Variants in MCM10 observed in about 807,000 individuals in gnomAD.
The protein encoded by MCM10 is minichromosome maintenance 10 replication initiation factor.
A neutral mutation model predicts 109.9 loss-of-function variants in MCM10; 91 were observed. The ratio of observed to expected loss-of-function variants is 0.83; its 90% CI spans 0.70 to 0.99. The LOEUF is 0.99. Among genes scored for constraint, MCM10 ranks in the 50% least tolerant of loss-of-function variants. The pLI, the probability that MCM10 is intolerant of heterozygous loss-of-function variation, is 0.00. For synonymous variants in MCM10, 380 were observed against 387.2 expected (o/e 0.98, Z 0.22); for missense variants, 1,077 against 1,061.2 (o/e 1.01, Z -0.21).
Position 13,195,281 on chromosome 10 carries a change from C to T in MCM10, c.1974+12C>T. Reference sequence around the variant, plus strand: ...CAGAAGCCAAAAAGGTAACTGGCATCTCTTCTCTTTAGCACTTGAGTTTGC... The same window carrying T: ...CAGAAGCCAAAAAGGTAACTGGCATTTCTTCTCTTTAGCACTTGAGTTTGC... On this transcript the variant is annotated intron_variant, in intron 14 of 19. Coordinates refer to ENST00000378714, the MANE Select transcript of MCM10 (RefSeq NM_018518.5). 2 of 1,572,602 alleles carry T rather than the reference C, an allele frequency of 1.3e-6. No individual in the cohort carries two copies.
intron 5 of MCM10, among the ~76,000 whole-genome samples, chr10:13,173,924 A>G (rs1834107802): frequency 6.6e-6 from 1 of 152,144 alleles, no homozygotes; most frequent in African/African-American, 2.4e-5. Flanking sequence ...TATGAAAGAG[A>G]GAGTGATATT....
Position 13,171,633 on chromosome 10 carries a change from C to T in MCM10, c.349+370C>T, listed in dbSNP as rs533450496. On this transcript the variant is annotated intron_variant, in intron 3 of 19. Coordinates refer to ENST00000378714, the MANE Select transcript of MCM10 (RefSeq NM_018518.5). Reference sequence around the variant, plus strand: ...GCATTCCTGAACAGAAGCTTTGACACATGTTCTTTTCTCATTCCTGGCATC... The same window carrying T: ...GCATTCCTGAACAGAAGCTTTGACATATGTTCTTTTCTCATTCCTGGCATC... 1.4e-4 allele frequency among the ~76,000 whole-genome samples: 22 copies of T among 152,342 alleles called. 1 individual carries two copies. The South Asian group carries it at 4.4e-3, about 30-fold the overall frequency.
At chr10:13,198,441 G>A (rs925144011) in intron 15 of MCM10, among the ~76,000 whole-genome samples, 12 of 151,878 alleles carry the variant, frequency 7.9e-5, no homozygotes, top group African/African-American at 2.4e-4. Context: ...TGTTACTATC[G>A]TCAGCTGCCT....
chr10:13,180,060 C>T (rs1022887518), intron 6 of MCM10, among the ~76,000 whole-genome samples: 1 of 152,116 alleles, frequency 6.6e-6, no homozygotes, highest in Non-Finnish European at 1.5e-5. Context: ...TTGAGACCAG[C>T]CTGGCCAACA....
chr10:13,199,095 C>T (rs965237575), intron 16 of MCM10, among the ~76,000 whole-genome samples: 7 of 152,196 alleles, frequency 4.6e-5, no homozygotes, highest in African/African-American at 1.4e-4. Flanking sequence ...AGAGTTTCAC[C>T]GTGTTGGCCA....
chr10:13,201,562 C>A (rs923031871), intron 17 of MCM10, 28 bp downstream of exon 17: 2 of 1,524,682 alleles, frequency 1.3e-6, no homozygotes, highest in Non-Finnish European at 9.0e-7. Context: ...CTGCAGCAAC[C>A]CATGGGCCCT....
intron 9 of MCM10, among the ~76,000 whole-genome samples, chr10:13,187,600 T>C (rs1834291657): frequency 6.6e-6 from 1 of 152,250 alleles, no homozygotes; most frequent in South Asian, 2.1e-4. Flanking sequence ...TTCCAGTTTC[T>C]CCCTGTCCTC....
At position 13,204,356 on chromosome 10, in the gene MCM10, G is replaced by C; in HGVS notation, c.2490G>C (p.Lys830Asn). Residue 830 changes from lysine (K) to asparagine (N), a missense_variant, in exon 18 of 20, where the codon AAG becomes AAC. Coordinates refer to ENST00000378714, the MANE Select transcript of MCM10 (RefSeq NM_018518.5). ...TCTCCTTGGACAGACTCCCGAACAAGCACTGCAGGTATGAGAATCACCTGG... is the reference window on the plus strand; with the variant it reads ...TCTCCTTGGACAGACTCCCGAACAACCACTGCAGGTATGAGAATCACCTGG... ...RSISLDRLPN[K>N]HCSNCGLYKW... The C allele has an allele frequency of 6.2e-7, 1 of 1,614,176 alleles. No homozygotes were observed. The highest frequency in any genetic ancestry group is 8.5e-7 in the Non-Finnish European group (1 of 1,180,024).
At position 13,206,047 on chromosome 10, in the gene MCM10, C is replaced by T. The variant is rs377629101; in HGVS notation, c.2498+1683C>T. 4.8e-4 allele frequency among the ~76,000 whole-genome samples: 73 copies of T among 152,346 alleles called. 1 individual carries two copies. The South Asian group carries it at 0.015, about 31-fold the overall frequency. On this transcript the variant is annotated intron_variant, in intron 18 of 19. Coordinates refer to ENST00000378714, the MANE Select transcript of MCM10 (RefSeq NM_018518.5). ...CTCTTCTTACCCATTCTCCCTCCATCCTATCCCTTCGCACCATCCTCTGCC... is the reference window on the plus strand; with the variant it reads ...CTCTTCTTACCCATTCTCCCTCCATTCTATCCCTTCGCACCATCCTCTGCC...
At chr10:13,173,101 C>A (rs1336618723) in intron 5 of MCM10, among the ~76,000 whole-genome samples, 1 of 152,032 alleles carries the variant, frequency 6.6e-6, no homozygotes, top group Non-Finnish European at 1.5e-5. Flanking sequence ...ACCTGAGAGG[C>A]TGAGGTGGGA....
intron 2 of MCM10, among the ~76,000 whole-genome samples, chr10:13,170,679 TTTG>T (rs1834058808): frequency 6.7e-6 from 1 of 149,542 alleles, no homozygotes; most frequent in African/African-American, 2.4e-5. Flanking sequence ...TTTTGTTTTT[TTTG>T]TTTGTTTGTT....
intron 2 of MCM10, among the ~76,000 whole-genome samples, chr10:13,167,459 T>A (rs1834016090): frequency 6.6e-6 from 1 of 152,152 alleles, no homozygotes; most frequent in South Asian, 2.1e-4. Context: ...TTGGAGTTAC[T>A]ATGGGAGTGG....
In MCM10 at chr10:13,182,264, A is replaced by G. The variant is rs1391768260; in HGVS notation, c.931-669A>G. 6.6e-6 allele frequency among the ~76,000 whole-genome samples: 1 copy of G among 152,136 alleles called. No homozygotes were observed. The highest frequency in any genetic ancestry group is 1.5e-5 in the Non-Finnish European group (1 of 68,016). On this transcript the variant is annotated intron_variant, in intron 7 of 19. Coordinates refer to ENST00000378714, the MANE Select transcript of MCM10 (RefSeq NM_018518.5). The surrounding 1 kb of genome is among the most constrained non-coding windows in gnomAD (Gnocchi z 4.2). ...TGGGGTGGGAGGATCACTTGAGCCC[A>G]GGAATTCATGACCAGTCTGGGCAAC...
At position 13,195,072 on chromosome 10, in the gene MCM10, C is replaced by A. The variant is rs765643142; in HGVS notation, c.1777C>A (p.Pro593Thr). The A allele has an allele frequency of 1.9e-6, 3 of 1,613,948 alleles. No individual in the cohort carries two copies. Among genetic ancestry groups the A allele is most frequent in the South Asian group, 2.2e-5 (2 of 91,034 alleles). Residue 593 changes from proline to threonine, a missense_variant, in exon 14 of 20, where the codon CCA (proline) becomes ACA (threonine). Coordinates refer to ENST00000378714, the MANE Select transcript of MCM10 (RefSeq NM_018518.5). ...FLQSSSEVES[P>T]AVPSSSRQPP... ...GCAGAGCTCAAGTGAAGTTGAGAGCCCAGCTGTGCCATCTTCATCAAGACA... is the reference window on the plus strand; with the variant it reads ...GCAGAGCTCAAGTGAAGTTGAGAGCACAGCTGTGCCATCTTCATCAAGACA...
chr10:13,206,777 T>C (rs1439039133), intron 18 of MCM10, among the ~76,000 whole-genome samples: 2 of 150,854 alleles, frequency 1.3e-5, no homozygotes, highest in African/African-American at 4.9e-5. Flanking sequence ...ACCATGTTTT[T>C]TCTGGACTTT....
chr10:13,173,393 T>C (rs1325081413), intron 5 of MCM10, among the ~76,000 whole-genome samples: 1 of 152,200 alleles, frequency 6.6e-6, no homozygotes, highest in Non-Finnish European at 1.5e-5. Flanking sequence ...AGCCAGGTCG[T>C]ATCAAATCAA....
At chr10:13,178,429 G>T (rs1470807292) in intron 6 of MCM10, among the ~76,000 whole-genome samples, 2 of 152,168 alleles carry the variant, frequency 1.3e-5, no homozygotes, top group African/African-American at 4.8e-5. Flanking sequence ...TATGGCGAGA[G>T]ATAGGGATCT....
At chr10:13,175,894 T>A (rs1369806938) in intron 6 of MCM10, among the ~76,000 whole-genome samples, 1 of 152,216 alleles carries the variant, frequency 6.6e-6, no homozygotes, top group Non-Finnish European at 1.5e-5. Flanking sequence ...TTCTTGTGTA[T>A]GTAATCAACA....
At chr10:13,207,917 C>T (rs1287857690) in intron 18 of MCM10, among the ~76,000 whole-genome samples, 1 of 152,126 alleles carries the variant, frequency 6.6e-6, no homozygotes, top group African/African-American at 2.4e-5. Flanking sequence ...GCATCCCCAC[C>T]CCACCCCAAC....
Sources: gnomAD v4.1 joint callset for allele counts (sites outside exome capture counted in the v4.1 genomes callset) on GRCh38, gnomAD v4.1.1 for gene constraint, Gnocchi (gnomAD v3.1) non-coding constraint, MANE v1.5 for transcripts, NCBI Gene and HGNC (gene_info 2026-07-23, HGNC 2026-07-21) for gene names.